Variants in VWA8 observed in about 807,000 individuals in gnomAD.
The protein encoded by VWA8 is von Willebrand factor A domain containing 8.
Under a neutral mutation model 241.5 loss-of-function variants are expected in VWA8, and 221 were observed. That is an observed-to-expected ratio of 0.91 (90% confidence interval 0.82 to 1.02). VWA8 has a LOEUF of 1.02. Ranked by LOEUF, VWA8 falls within the 50% of genes least tolerant of loss-of-function variation. The probability of loss-of-function intolerance (pLI) is 0.00; values close to 1 mark genes in which losing one functional copy is unlikely to be tolerated. For missense variants in VWA8, 2,322 were observed against 2,328.7 expected (o/e 1.00, Z 0.06); for synonymous variants, 852 against 827.1 (o/e 1.03, Z -0.52).
intron 2 of VWA8, among the ~76,000 whole-genome samples, chr13:41,918,139 G>C (rs1281895525): frequency 6.6e-6 from 1 of 152,076 alleles, no homozygotes; most frequent in Admixed American, 6.5e-5. Flanking sequence ...TATATGCTCA[G>C]CACCAAGAAT....
intron 12 of VWA8, among the ~76,000 whole-genome samples, chr13:41,835,573 A>T (rs909636664): frequency 6.6e-6 from 1 of 152,180 alleles, no homozygotes; most frequent in African/African-American, 2.4e-5. Context: ...TCCTGGGCCC[A>T]AGCAAAAGAT....
At chr13:41,781,056 C>T (rs1868864815) in intron 19 of VWA8, among the ~76,000 whole-genome samples, 1 of 152,162 alleles carries the variant, frequency 6.6e-6, no homozygotes, top group African/African-American at 2.4e-5. Flanking sequence ...GCAATAACCA[C>T]CTAACTAGTT....
intron 1 of VWA8, 127 bp downstream of exon 1, chr13:41,960,726 C>G: frequency 4.5e-6 from 6 of 1,323,450 alleles, no homozygotes; most frequent in Non-Finnish European, 5.9e-6. Flanking sequence ...CTCAATCTTT[C>G]AGCTCCCCGC....
intron 40 of VWA8, among the ~76,000 whole-genome samples, chr13:41,599,215 C>T (rs2044506711): frequency 6.6e-6 from 1 of 152,084 alleles, no homozygotes; most frequent in African/African-American, 2.4e-5. Flanking sequence ...ACTACTTAGA[C>T]TTAAGACTGG....
chr13:41,764,380 T>C (rs181257755), intron 20 of VWA8, among the ~76,000 whole-genome samples: 1 of 152,228 alleles, frequency 6.6e-6, no homozygotes, highest in Admixed American at 6.5e-5. Flanking sequence ...TCATCAATTA[T>C]TTGAGCACCT....
intron 1 of VWA8, among the ~76,000 whole-genome samples, chr13:41,951,402 G>A (rs1878132638): frequency 6.6e-6 from 1 of 152,186 alleles, no homozygotes; most frequent in South Asian, 2.1e-4. Context: ...GGGCAACGGT[G>A]CGACACTCCG....
At chr13:41,758,313 C>A (rs2137901837) in intron 21 of VWA8, among the ~76,000 whole-genome samples, 1 of 141,362 alleles carries the variant, frequency 7.1e-6, no homozygotes, top group South Asian at 2.2e-4. Context: ...TAAATATATT[C>A]TTTATACTAC....
rs1236419922 is a variant in VWA8, at chr13:41,573,480, A to AT, written c.5370+2259_5370+2260insA. ...CAACAGGGTGGCTATAGTTTAAAAA[A>AT]AAAAAAATATATATATATATATATA... On this transcript the variant is annotated intron_variant, in intron 43 of 44. Transcript: ENST00000379310. Among the ~76,000 whole-genome samples, 699 of 112,460 alleles carry AT rather than the reference A, an allele frequency of 6.2e-3. 12 individuals are homozygous for AT. The highest frequency in any genetic ancestry group is 0.028 in the African/African-American group (660 of 23,252). 73.8% of individuals were successfully genotyped at this position (112,460 alleles called of 152,430 possible). A position where few individuals can be genotyped will look rare whatever the true frequency, so the allele number is the denominator to read the frequency against.
At chr13:41,919,791 C>G (rs1038352701) in intron 2 of VWA8, among the ~76,000 whole-genome samples, 1 of 152,040 alleles carries the variant, frequency 6.6e-6, no homozygotes, top group African/African-American at 2.4e-5. Context: ...GAGAAGATGT[C>G]CTACCCAGTG....
At chr13:41,689,254 G>T (rs898765774) in intron 34 of VWA8, 100 bp downstream of exon 34, 6 of 1,284,500 alleles carry the variant, frequency 4.7e-6, no homozygotes, top group Non-Finnish European at 6.2e-6. Flanking sequence ...TGTTTACCAG[G>T]AAATTATGTT....
At chr13:41,763,352 A>C (rs963433731) in intron 20 of VWA8, among the ~76,000 whole-genome samples, 1 of 141,302 alleles carries the variant, frequency 7.1e-6, no homozygotes, top group Non-Finnish European at 1.6e-5. Context: ...TAGATAGATA[A>C]AGTGGGATAA....
At chr13:41,950,575 A>G (rs1355230317) in intron 1 of VWA8, among the ~76,000 whole-genome samples, 1 of 151,012 alleles carries the variant, frequency 6.6e-6, no homozygotes, top group Non-Finnish European at 1.5e-5. Flanking sequence ...TCACCATGTT[A>G]GCCAGGATGA....
At chr13:41,922,776 T>G (rs28784707) in intron 2 of VWA8, among the ~76,000 whole-genome samples, 20 of 152,126 alleles carry the variant, frequency 1.3e-4, no homozygotes, top group African/African-American at 4.8e-4. Flanking sequence ...ATTAAAAAGT[T>G]AGGAAACAAC....
In VWA8 at chr13:41,755,635, A is replaced by C. The variant is rs115112367; in HGVS notation, c.2426+5493T>G. On this transcript the variant is annotated intron_variant, in intron 21 of 44. Coordinates refer to ENST00000379310, the MANE Select transcript of VWA8 (RefSeq NM_015058.2). ...ATTTATGGATCATTTGTTATTTTGT[A>C]ACAAATGGTTAGTATTAAAGACATC... Among the ~76,000 whole-genome samples, 1,206 of 151,996 alleles carry C rather than the reference A, an allele frequency of 7.9e-3. 13 individuals are homozygous for C. Among genetic ancestry groups the C allele is most frequent in the African/African-American group, 0.028 (1,156 of 41,496 alleles).
At chr13:41,611,881 T>A (rs1298240434) in intron 38 of VWA8, 149 bp from the exon 39 acceptor site, 1 of 939,312 alleles carries the variant, frequency 1.1e-6, no homozygotes, top group Non-Finnish European at 1.5e-6. Flanking sequence ...GAAAAAGATG[T>A]ATTCTCTTGT....
chr13:41,831,642 A>G (rs1228903851), intron 13 of VWA8, among the ~76,000 whole-genome samples: 10 of 125,816 alleles, frequency 7.9e-5, no homozygotes, highest in Non-Finnish European at 1.1e-4. Context: ...TTTTTGAGAC[A>G]GAGTCTCCCT....
At chr13:41,704,739 G>T (rs966234634) in intron 26 of VWA8, among the ~76,000 whole-genome samples, 2 of 152,140 alleles carry the variant, frequency 1.3e-5, no homozygotes, top group African/African-American at 4.8e-5. Flanking sequence ...AAAGTGCTGG[G>T]ATTACAAGTG....
intron 4 of VWA8, among the ~76,000 whole-genome samples, chr13:41,903,409 G>C (rs190385928): frequency 2.0e-5 from 3 of 152,174 alleles, no homozygotes; most frequent in South Asian, 2.1e-4. Flanking sequence ...ATATTCTAGC[G>C]GGGGAGGAGA....
At chr13:41,690,094 A>G (rs938996793) in intron 33 of VWA8, 72 bp downstream of exon 33, 6 of 1,324,884 alleles carry the variant, frequency 4.5e-6, no homozygotes, top group Non-Finnish European at 6.2e-6. Flanking sequence ...TTGTTCTTAA[A>G]TGATTCTAGA....
Sources: gnomAD v4.1 joint callset for allele counts (sites outside exome capture counted in the v4.1 genomes callset) on GRCh38, gnomAD v4.1.1 for gene constraint, MANE v1.5 for transcripts, NCBI Gene and HGNC (gene_info 2026-07-23, HGNC 2026-07-21) for gene names.